The following SYPL1 variants were observed in gnomAD, a reference collection of about 807,000 sequenced individuals.
The protein encoded by SYPL1 is synaptophysin like 1, also known as synaptophysin-like protein 1.
In SYPL1, 6 loss-of-function variants were observed where a neutral mutation model predicts 23.7. The observed-to-expected ratio is 0.25, with a 90% CI of 0.14 to 0.50. SYPL1 has a LOEUF of 0.50. SYPL1 is among the 20% of genes least tolerant of loss of function. The pLI is 0.98. For synonymous variants in SYPL1, 102 were observed against 104.5 expected (o/e 0.98, Z 0.15); for missense variants, 253 against 288.9 (o/e 0.88, Z 0.90).
At chr7:106,099,433 C>T in intron 1 of SYPL1, 151 bp from the exon 2 acceptor site, 1 of 1,005,930 alleles carries the variant, frequency 9.9e-7, no homozygotes, top group South Asian at 1.8e-5. Context: ...TTTCTGTCGC[C>T]CAGACTGGAG....
At position 106,097,807 on chromosome 7, in the gene SYPL1, A is replaced by G. The variant is rs755025403; in HGVS notation, c.285T>C (p.Ser95=). 2 of 1,614,128 alleles carry G rather than the reference A, an allele frequency of 1.2e-6. No individual in the cohort carries two copies. The highest frequency in any genetic ancestry group is 1.7e-6 in the Non-Finnish European group (2 of 1,179,984). Residue 95 remains serine (S), a synonymous_variant, in exon 3 of 5, where the codon TCT becomes TCC. Transcript: ENST00000455385. The surrounding 1 kb of genome is among the most constrained non-coding windows in gnomAD (Gnocchi z 4.6). ...CAAAGGTAACATAGAATTGTGCAGA[A>G]GAAGAGTAATCGCCTATGAGGACGT... is the stretch of plus-strand genomic sequence containing the variant. ...KDYVLIGDYS[S]SAQFYVTFAV...
At position 106,112,235 on chromosome 7, in the gene SYPL1, T is replaced by G. The variant is rs370234036; in HGVS notation, c.-27A>C. ...CTCTGAGGAAAGGAGGGAGAGAGAG[T>G]CAGGACGACGGGGCGGAGGAGGGGA... On this transcript the variant is annotated 5_prime_UTR_variant, in exon 1 of 5. Transcript: ENST00000455385. 8.0e-5 allele frequency: 122 copies of G among 1,520,224 alleles called. 1 individual carries two copies. The highest frequency in any genetic ancestry group is 1.0e-4 in the Non-Finnish European group (117 of 1,125,100). The allele number at this position is 1,520,224 out of a possible 1,614,324, so 94.2% of individuals were successfully genotyped here.
chr7:106,092,869 T>G, intron 4 of SYPL1, 80 bp downstream of exon 4: 3 of 1,169,682 alleles, frequency 2.6e-6, no homozygotes, highest in South Asian at 1.8e-5. Flanking sequence ...AGAGATTTAC[T>G]GAAAGCTATT....
chr7:106,112,413 T>A (rs1585947550), upstream of SYPL1: 3 of 1,015,560 alleles, frequency 3.0e-6, no homozygotes, highest in Non-Finnish European at 1.2e-6. Context: ...GGAAACGGAG[T>A]GGGGCGGCTG....
chr7:106,103,757 T>C (rs754184528), intron 1 of SYPL1, among the ~76,000 whole-genome samples: 1 of 152,252 alleles, frequency 6.6e-6, no homozygotes, highest in Non-Finnish European at 1.5e-5. Flanking sequence ...TGAAAATTAC[T>C]ATGTGGTTTG....
In SYPL1 at chr7:106,090,647, A is replaced by G. The variant is rs1839682378; in HGVS notation, c.*1158T>C. ...TAAACAATCATGTTGTAAGAATAAGAAACCTGAATCCCTGTACAACAAAAA... is the reference window on the plus strand; with the variant it reads ...TAAACAATCATGTTGTAAGAATAAGGAACCTGAATCCCTGTACAACAAAAA... On this transcript the variant is annotated 3_prime_UTR_variant, in exon 5 of 5. Coordinates refer to ENST00000455385, the MANE Select transcript of SYPL1 (RefSeq NM_182715.4). The G allele has an allele frequency of 6.6e-6, 1 of 152,658 alleles. No individual in the cohort carries two copies. Among genetic ancestry groups the G allele is most frequent in the African/African-American group, 2.4e-5 (1 of 41,468 alleles). The allele number at this position is 152,658 out of a possible 1,614,324, so 9.5% of individuals were successfully genotyped here.
At chr7:106,110,847 T>C (rs1790106577) in intron 1 of SYPL1, among the ~76,000 whole-genome samples, 1 of 152,240 alleles carries the variant, frequency 6.6e-6, no homozygotes, top group Non-Finnish European at 1.5e-5. Flanking sequence ...CATTTAATTA[T>C]AATCCTCAAT....
chr7:106,093,218 A>T, intron 3 of SYPL1, 81 bp from the exon 4 acceptor site: 3 of 1,306,346 alleles, frequency 2.3e-6, no homozygotes, highest in Non-Finnish European at 3.1e-6. Context: ...AGAAACTGAG[A>T]TTACATTCAA....
chr7:106,108,658 T>C (rs1009224139), intron 1 of SYPL1, among the ~76,000 whole-genome samples: 3 of 152,218 alleles, frequency 2.0e-5, no homozygotes, highest in African/African-American at 7.2e-5. Context: ...CACTTTTAAG[T>C]ACTCAGCTCT....
intron 1 of SYPL1, among the ~76,000 whole-genome samples, chr7:106,105,630 T>C (rs1840552233): frequency 6.6e-6 from 1 of 151,326 alleles, no homozygotes; most frequent in Non-Finnish European, 1.5e-5. Flanking sequence ...CAGAAGAAAA[T>C]ATGTAAACTT....
At position 106,104,995 on chromosome 7, in the gene SYPL1, G is replaced by A. The variant is rs1397333519; in HGVS notation, c.70-5713C>T. ...AATTTGGATTTCCTGCTTTTCCTGAGTGTGTATGGGAAAGCTGAAGAATGG... is the reference window on the plus strand; with the variant it reads ...AATTTGGATTTCCTGCTTTTCCTGAATGTGTATGGGAAAGCTGAAGAATGG... On this transcript the variant is annotated intron_variant, in intron 1 of 4. Coordinates refer to ENST00000455385, the MANE Select transcript of SYPL1 (RefSeq NM_182715.4). The surrounding 1 kb of genome is among the most constrained non-coding windows in gnomAD (Gnocchi z 4.1). Among the ~76,000 whole-genome samples, 1 of 152,178 alleles carries A rather than the reference G, an allele frequency of 6.6e-6. No individual in the cohort carries two copies. Among genetic ancestry groups the A allele is most frequent in the Admixed American group, 6.5e-5 (1 of 15,282 alleles).
Position 106,112,281 on chromosome 7 carries a change from C to T in SYPL1, c.-73G>A. 4 of 1,391,640 alleles carry T rather than the reference C, an allele frequency of 2.9e-6. No homozygotes were observed. The highest frequency in any genetic ancestry group is 3.2e-5 in the South Asian group (2 of 62,860). The allele number at this position is 1,391,640 out of a possible 1,614,324, so 86.2% of individuals were successfully genotyped here. ...GGGGACCGACGAGACCAGAGCAGCC[C>T]GGTGGCGAGGAAGGGCAGGCGGGGC... On this transcript the variant is annotated 5_prime_UTR_variant, in exon 1 of 5. Coordinates refer to ENST00000455385, the MANE Select transcript of SYPL1 (RefSeq NM_182715.4).
chr7:106,112,292 A>G lies in SYPL1; in HGVS notation c.-84T>C. 1 of 1,388,514 alleles carries G rather than the reference A, an allele frequency of 7.2e-7. No homozygotes were observed. Among genetic ancestry groups the G allele is most frequent in the South Asian group, 1.7e-5 (1 of 57,202 alleles). The allele number at this position is 1,388,514 out of a possible 1,614,324, so 86.0% of individuals were successfully genotyped here. A position where few individuals can be genotyped will look rare whatever the true frequency, so the allele number is the denominator to read the frequency against. On this transcript the variant is annotated 5_prime_UTR_variant, in exon 1 of 5. Coordinates refer to ENST00000455385, the MANE Select transcript of SYPL1 (RefSeq NM_182715.4). ...AGACCAGAGCAGCCCGGTGGCGAGG[A>G]AGGGCAGGCGGGGCTGGCGCGCTGG...
rs944453887 is a variant in SYPL1, at chr7:106,109,653, C to A, written c.69+2487G>T. Among the ~76,000 whole-genome samples, 6 of 152,150 alleles carry A rather than the reference C, an allele frequency of 3.9e-5. No homozygotes were observed. Among genetic ancestry groups the A allele is most frequent in the African/African-American group, 1.4e-4 (6 of 41,434 alleles). ...GACCACAAACTCAATACATCTGAAA[C>A]CTTTGACTTCCCATAAAATCTGCTC... is the stretch of plus-strand genomic sequence containing the variant. On this transcript the variant is annotated intron_variant, in intron 1 of 4. Coordinates refer to ENST00000455385, the MANE Select transcript of SYPL1 (RefSeq NM_182715.4). The surrounding 1 kb of genome is among the most constrained non-coding windows in gnomAD (Gnocchi z 4.3).
Position 106,091,974 on chromosome 7 carries a change from A to C in SYPL1, c.592-35T>G. 1.9e-6 allele frequency: 3 copies of C among 1,568,246 alleles called. No homozygotes were observed. Among genetic ancestry groups the C allele is most frequent in the Non-Finnish European group, 2.6e-6 (3 of 1,160,912 alleles). On this transcript the variant is annotated intron_variant, in intron 4 of 4. Transcript: ENST00000455385. The surrounding 1 kb of genome is among the most constrained non-coding windows in gnomAD (Gnocchi z 5.0). ...AGAAAAAGAAATATGAAAATCAAAT[A>C]CCTACTTATAAAAATTCATGCCCTA...
rs1033417272 is a variant in SYPL1 at position 106,095,390 on chromosome 7, C to T, written c.403-2253G>A. On this transcript the variant is annotated intron_variant, in intron 3 of 4. Coordinates refer to ENST00000455385, the MANE Select transcript of SYPL1 (RefSeq NM_182715.4). This position sits in a 1 kb window ranked among gnomAD's most constrained non-coding sequence, Gnocchi z 4.3. The stretch of plus-strand genomic sequence containing the variant: ...CCTGAGATGGAGTCTTGCTCTGTCA[C>T]CTAGGCTGGAATACAGTGGTGTGAT... Among the ~76,000 whole-genome samples, 14 of 151,538 alleles carry T rather than the reference C, an allele frequency of 9.2e-5. No homozygotes were observed. Among genetic ancestry groups the T allele is most frequent in the African/African-American group, 3.4e-4 (14 of 41,160 alleles).
intron 1 of SYPL1, among the ~76,000 whole-genome samples, chr7:106,103,004 T>C (rs1488624234): frequency 6.6e-6 from 1 of 152,162 alleles, no homozygotes; most frequent in African/African-American, 2.4e-5. Flanking sequence ...AGTCAGCTGT[T>C]GAATGTAAAA....
At chr7:106,101,440 C>A (rs6969687) in intron 1 of SYPL1, among the ~76,000 whole-genome samples, 20 of 2,948 alleles carry the variant, frequency 6.8e-3, no homozygotes, top group East Asian at 0.017. Context: ...TCCCATCCGC[C>A]CCCCCCCCCC....
rs757159774 is a variant in SYPL1 at position 106,104,159 on chromosome 7, T to C, written c.70-4877A>G. 6.6e-6 allele frequency among the ~76,000 whole-genome samples: 1 copy of C among 152,224 alleles called. No individual in the cohort carries two copies. The highest frequency in any genetic ancestry group is 1.5e-5 in the Non-Finnish European group (1 of 68,040). On this transcript the variant is annotated intron_variant, in intron 1 of 4. Transcript: ENST00000455385. The surrounding 1 kb of genome is among the most constrained non-coding windows in gnomAD (Gnocchi z 4.1). ...CCTACCCAATTCCCTGTGGTAGAAC[T>C]CATGATTCTTCTCTTGAGCTATCAT...
Sources: allele counts gnomAD v4.1 joint callset (sites outside exome capture counted in the v4.1 genomes callset), GRCh38; gene constraint gnomAD v4.1.1; non-coding constraint Gnocchi (gnomAD v3.1); transcripts MANE v1.5; gene names NCBI Gene and HGNC (gene_info 2026-07-23, HGNC 2026-07-21).